PTGFRN: variants seen among roughly 807,000 people sequenced by gnomAD.
PTGFRN encodes the protein prostaglandin F2 receptor inhibitor, also known as prostaglandin F2 receptor negative regulator.
Under a neutral mutation model 83.2 loss-of-function variants are expected in PTGFRN, and 35 were observed. That is an observed-to-expected ratio of 0.42 (90% confidence interval 0.32 to 0.56). The LOEUF (loss-of-function observed/expected upper bound fraction) is 0.56, where lower values mean the gene tolerates loss of function less well. PTGFRN is among the 20% of genes least tolerant of loss of function. The probability of loss-of-function intolerance (pLI) is 0.11; values close to 1 mark genes in which losing one functional copy is unlikely to be tolerated. For synonymous variants in PTGFRN, 519 were observed against 498.6 expected (o/e 1.04, Z -0.55); for missense variants, 1,051 against 1,179.5 (o/e 0.89, Z 1.60).
intron 4 of PTGFRN, among the ~76,000 whole-genome samples, chr1:116,957,905 T>C (rs2101074134): frequency 6.6e-6 from 1 of 152,330 alleles, no homozygotes; most frequent in East Asian, 1.9e-4. Context: ...CTTAACACTG[T>C]CCTCCAGGTT....
At chr1:116,955,490 C>A (rs1363889074) in intron 4 of PTGFRN, among the ~76,000 whole-genome samples, 14 of 152,168 alleles carry the variant, frequency 9.2e-5, no homozygotes, top group Admixed American at 2.6e-4. Context: ...CACAAAAACA[C>A]ACACTTTTTT....
At chr1:116,924,304 ACCCGG>A (rs1322969145) in intron 1 of PTGFRN, among the ~76,000 whole-genome samples, 2 of 109,890 alleles carry the variant, frequency 1.8e-5, no homozygotes, top group East Asian at 5.4e-4. Context: ...CTGCCACCAC[ACCCGG>A]CTAATTTTTG....
At chr1:116,966,789 G>A (rs139569211) in intron 5 of PTGFRN, 122 bp from the exon 6 acceptor site, 134 of 1,043,180 alleles carry the variant, frequency 1.3e-4, no homozygotes, top group East Asian at 6.2e-4. Flanking sequence ...CCAGATTTTC[G>A]TAGGTGCTTT....
chr1:116,942,624 A>G (rs1650091431), intron 2 of PTGFRN, among the ~76,000 whole-genome samples: 1 of 152,190 alleles, frequency 6.6e-6, no homozygotes, highest in African/African-American at 2.4e-5. Flanking sequence ...AGGCACTTCA[A>G]AGTTCATGTC....
intron 4 of PTGFRN, among the ~76,000 whole-genome samples, chr1:116,954,162 A>G (rs997070754): frequency 6.6e-6 from 1 of 152,012 alleles, no homozygotes; most frequent in Non-Finnish European, 1.5e-5. Flanking sequence ...CTGGCCCTTC[A>G]TGAGTATTTC....
intron 1 of PTGFRN, among the ~76,000 whole-genome samples, chr1:116,916,323 G>A (rs1301492160): frequency 6.6e-6 from 1 of 152,234 alleles, no homozygotes; most frequent in Admixed American, 6.5e-5. Context: ...ATAGCGAAGA[G>A]TGGAATTGTG....
At chr1:116,960,847 G>A (rs1650629585) in intron 4 of PTGFRN, among the ~76,000 whole-genome samples, 1 of 152,126 alleles carries the variant, frequency 6.6e-6, no homozygotes, top group African/African-American at 2.4e-5. Context: ...GGGTGTTGGA[G>A]GTCTGTGGGC....
chr1:116,931,269 G>T (rs913181298), intron 1 of PTGFRN, among the ~76,000 whole-genome samples: 1 of 152,102 alleles, frequency 6.6e-6, no homozygotes, highest in Non-Finnish European at 1.5e-5. Context: ...GGTCCCAAAC[G>T]TTTTGAATAA....
Position 116,961,707 on chromosome 1 carries a change from T to G in PTGFRN, c.1639+39T>G. 1.3e-6 allele frequency: 2 copies of G among 1,563,330 alleles called. No individual in the cohort carries two copies. On this transcript the variant is annotated intron_variant, in intron 5 of 8. Transcript: ENST00000393203. This position sits in a 1 kb window ranked among gnomAD's most constrained non-coding sequence, Gnocchi z 5.4. Reference sequence around the variant, plus strand: ...TCTTGTTATTCATTTTTGTTTTGTCTTTGCTTAAGTCGTGCCGCTGTGTGT... The same window carrying G: ...TCTTGTTATTCATTTTTGTTTTGTCGTTGCTTAAGTCGTGCCGCTGTGTGT...
Position 116,941,831 on chromosome 1 carries a change from T to A in PTGFRN, c.166T>A (p.Phe56Ile). The A allele has an allele frequency of 6.2e-7, 1 of 1,614,130 alleles. No individual in the cohort carries two copies. The highest frequency in any genetic ancestry group is 8.5e-7 in the Non-Finnish European group (1 of 1,180,010). ...SDYDGPSEQNFDWSFSSLGSS... is the reference protein window; with the variant it reads ...SDYDGPSEQNIDWSFSSLGSS... Reference sequence around the variant, plus strand: ...CTATGATGGCCCCAGCGAGCAAAACTTTGACTGGAGCTTCTCATCTTTGGG... The same window carrying A: ...CTATGATGGCCCCAGCGAGCAAAACATTGACTGGAGCTTCTCATCTTTGGG... The change falls in exon 2 of 9, where the codon TTT becomes ATT. Residue 56 changes from phenylalanine (F) to isoleucine (I), a missense_variant. Coordinates refer to ENST00000393203, the MANE Select transcript of PTGFRN (RefSeq NM_020440.4). This position sits in a 1 kb window ranked among gnomAD's most constrained non-coding sequence, Gnocchi z 5.0.
chr1:116,910,277 G>A (rs1570638673), intron 1 of PTGFRN, 25 bp downstream of exon 1: 1 of 1,398,280 alleles, frequency 7.2e-7, no homozygotes, highest in East Asian at 3.0e-5. Context: ...GGCTCAGCGG[G>A]GCACACGGGG....
chr1:116,965,830 T>A (rs1015719905), intron 5 of PTGFRN, among the ~76,000 whole-genome samples: 1 of 152,246 alleles, frequency 6.6e-6, no homozygotes, highest in African/African-American at 2.4e-5. Context: ...ACCGTTATGT[T>A]TCCAGTACCT....
intron 3 of PTGFRN, among the ~76,000 whole-genome samples, chr1:116,947,497 T>C (rs1650231395): frequency 6.6e-6 from 1 of 152,190 alleles, no homozygotes; most frequent in African/African-American, 2.4e-5. Flanking sequence ...TGGTTAGTGA[T>C]GTGACAAGAT....
chr1:116,929,788 A>T (rs1649746101), intron 1 of PTGFRN, among the ~76,000 whole-genome samples: 2 of 152,208 alleles, frequency 1.3e-5, no homozygotes, highest in African/African-American at 4.8e-5. Context: ...ATGTGTCCCC[A>T]GTGCCTAGAA....
intron 7 of PTGFRN, among the ~76,000 whole-genome samples, chr1:116,978,525 T>A (rs1435045351): frequency 6.6e-6 from 1 of 152,142 alleles, no homozygotes; most frequent in Non-Finnish European, 1.5e-5. Flanking sequence ...TTATACACCA[T>A]GATCAAATGG....
intron 7 of PTGFRN, among the ~76,000 whole-genome samples, chr1:116,979,945 T>C (rs1651264200): frequency 6.6e-6 from 1 of 152,136 alleles, no homozygotes; most frequent in Non-Finnish European, 1.5e-5. Context: ...ACCTACAGAA[T>C]GGGAGAAAAT....
chr1:116,912,600 T>A (rs1649301032), intron 1 of PTGFRN, among the ~76,000 whole-genome samples: 1 of 152,172 alleles, frequency 6.6e-6, no homozygotes, highest in South Asian at 2.1e-4. Context: ...CCTGATTGTT[T>A]CCCACACAGT....
intron 1 of PTGFRN, among the ~76,000 whole-genome samples, chr1:116,927,258 A>G (rs1452326553): frequency 6.6e-6 from 1 of 152,214 alleles, no homozygotes; most frequent in Non-Finnish European, 1.5e-5. Flanking sequence ...AACTACACAG[A>G]TAAGAGGATT....
Position 116,944,699 on chromosome 1 carries a change from G to C in PTGFRN, c.439G>C (p.Val147Leu). The C allele has an allele frequency of 7.0e-7, 1 of 1,424,614 alleles. No homozygotes were observed. The highest frequency in any genetic ancestry group is 2.7e-4 in the Middle Eastern group (1 of 3,754). The allele number at this position is 1,424,614 out of a possible 1,614,324, so 88.2% of individuals were successfully genotyped here. A position where few individuals can be genotyped will look rare whatever the true frequency, so the allele number is the denominator to read the frequency against. Residue 147 changes from valine (V) to leucine (L), a missense_variant, in exon 3 of 9, where the codon GTG becomes CTG. Around this residue, in one of 3 missense-constraint regions of PTGFRN, gnomAD observed 205 missense variants for 174.5 expected, o/e 1.17. Coordinates refer to ENST00000393203, the MANE Select transcript of PTGFRN (RefSeq NM_020440.4). ...CGCAGTGCTGGCCGACTCCCTGCAC[G>C]TGGGCCCCAGCGCGCGGCCCCCGCC... ...QVKVLADSLHVGPSARPPPSL... is the reference protein window; with the variant it reads ...QVKVLADSLHLGPSARPPPSL...
Sources: allele counts gnomAD v4.1 joint callset (sites outside exome capture counted in the v4.1 genomes callset), GRCh38; gene constraint gnomAD v4.1.1; regional missense constraint gnomAD v4.1.1; non-coding constraint Gnocchi (gnomAD v3.1); transcripts MANE v1.5; gene names NCBI Gene and HGNC (gene_info 2026-07-23, HGNC 2026-07-21).